Variants in ANKRD36B observed in about 807,000 individuals in gnomAD.
ANKRD36B encodes the protein ankyrin repeat domain 36B.
In ANKRD36B, 37 loss-of-function variants were observed where a neutral mutation model predicts 135.7. That is an observed-to-expected ratio of 0.27 (90% confidence interval 0.21 to 0.36). The LOEUF (loss-of-function observed/expected upper bound fraction) is 0.36, where lower values mean the gene tolerates loss of function less well. Among genes scored for constraint, ANKRD36B ranks in the 10% least tolerant of loss-of-function variants. The probability of loss-of-function intolerance (pLI) is 1.00; values close to 1 mark genes in which losing one functional copy is unlikely to be tolerated. For synonymous variants in ANKRD36B, 179 were observed against 348.1 expected, an observed-to-expected ratio of 0.51 and a Z score of 5.41; for missense variants, 549 against 1,037.1, an observed-to-expected ratio of 0.53 and a Z score of 6.46.
At position 97,500,431 on chromosome 2, in the gene ANKRD36B, A is replaced by AC. The variant is rs917074422; in HGVS notation, c.*6+6604dup. 9.0e-5 allele frequency among the ~76,000 whole-genome samples: 9 copies of AC among 100,060 alleles called. 3 individuals are homozygous for AC. The highest frequency in any genetic ancestry group is 2.5e-4 in the Non-Finnish European group (9 of 36,668). 65.6% of individuals were successfully genotyped at this position (100,060 alleles called of 152,430 possible). A position where few individuals can be genotyped will look rare whatever the true frequency, so the allele number is the denominator to read the frequency against. ...AGAATGTAGTTAAATCAATCATTATACCTCAATGAACTAGATGAGAAACAA... is the reference window on the plus strand; with the variant it reads ...AGAATGTAGTTAAATCAATCATTATACCCTCAATGAACTAGATGAGAAACAA... On this transcript the variant is annotated intron_variant, in intron 43 of 43. Transcript: ENST00000359901.
intron 16 of ANKRD36B, 116 bp from the exon 17 acceptor site, chr2:97,551,596 G>C (rs1406650826): frequency 6.7e-7 from 1 of 1,494,500 alleles, no homozygotes; most frequent in Non-Finnish European, 9.2e-7. Context: ...CGTAGGTTTT[G>C]ATGGCTTCTA....
intron 22 of ANKRD36B, 78 bp from the exon 23 acceptor site, chr2:97,545,939 T>G (rs2079417258): frequency 1.1e-6 from 1 of 929,990 alleles, no homozygotes; most frequent in South Asian, 1.2e-5. Context: ...AGTGTTAGCA[T>G]CAACCTCTGT....
At chr2:97,554,061 A>G (rs1161084076) in intron 14 of ANKRD36B, among the ~76,000 whole-genome samples, 1 of 151,962 alleles carries the variant, frequency 6.6e-6, no homozygotes, top group African/African-American at 2.4e-5. Context: ...TATAAACCTC[A>G]ATAAAAAGCA....
chr2:97,570,080 C>A (rs565746104), intron 6 of ANKRD36B, among the ~76,000 whole-genome samples: 1 of 152,020 alleles, frequency 6.6e-6, no homozygotes, highest in African/African-American at 2.4e-5. Flanking sequence ...AAAGGTTAAT[C>A]GAATAAGAAC....
chr2:97,525,619 T>C lies in ANKRD36B; in HGVS notation c.2266-2152A>G, dbSNP rs563657217. The stretch of plus-strand genomic sequence containing the variant: ...GTGAGGCATTGCCTCACTCAGGAAG[T>C]GGAAGGGGTCAGGGAGTTCCCTTTC... On this transcript the variant is annotated intron_variant, in intron 35 of 43. Transcript: ENST00000359901. Among the ~76,000 whole-genome samples the C allele has an allele frequency of 1.1e-4, 11 of 96,084 alleles. 3 individuals are homozygous for C. The East Asian group carries it at 1.4e-3, about 12-fold the overall frequency. 63.0% of individuals were successfully genotyped at this position (96,084 alleles called of 152,430 possible). A position where few individuals can be genotyped will look rare whatever the true frequency, so the allele number is the denominator to read the frequency against.
intron 35 of ANKRD36B, among the ~76,000 whole-genome samples, chr2:97,531,148 A>G (rs1333974448): frequency 2.2e-5 from 2 of 91,534 alleles, no homozygotes; most frequent in African/African-American, 6.5e-5. Context: ...AAAGACTTGG[A>G]ACCAACCCAA....
intron 32 of ANKRD36B, among the ~76,000 whole-genome samples, 162 bp from the exon 33 acceptor site, chr2:97,536,658 T>C (rs2078905751): frequency 1.0e-5 from 1 of 95,686 alleles, no homozygotes; most frequent in African/African-American, 3.1e-5. Context: ...AGAAATGCAA[T>C]AAAGAAAATA....
At chr2:97,515,135 C>T (rs1221180328) in intron 37 of ANKRD36B, among the ~76,000 whole-genome samples, 1 of 48,690 alleles carries the variant, frequency 2.1e-5, no homozygotes, top group East Asian at 3.6e-4. Context: ...AACTCCTGAC[C>T]TCGTGATCTG....
intron 34 of ANKRD36B, among the ~76,000 whole-genome samples, chr2:97,535,195 A>T (rs376441140): frequency 0.058 from 5,228 of 90,012 alleles, 807 homozygotes; most frequent in East Asian, 0.16. Flanking sequence ...TGGTAGGAAA[A>T]GAGGATGCTT....
Position 97,589,506 on chromosome 2 carries a change from G to A in ANKRD36B, c.161+19C>T. ...TCCACAGGCCTCCTCCCGCAGCCCC[G>A]GCTCCCGGCCCCCATTACCTTTCCT... On this transcript the variant is annotated intron_variant, in intron 1 of 43. Transcript: ENST00000359901. The A allele has an allele frequency of 6.8e-7, 1 of 1,464,392 alleles. No individual in the cohort carries two copies. Among genetic ancestry groups the A allele is most frequent in the Non-Finnish European group, 9.1e-7 (1 of 1,096,118 alleles). The allele number at this position is 1,464,392 out of a possible 1,614,324, so 90.7% of individuals were successfully genotyped here. A position where few individuals can be genotyped will look rare whatever the true frequency, so the allele number is the denominator to read the frequency against.
chr2:97,570,870 T>G (rs564981760), intron 6 of ANKRD36B, among the ~76,000 whole-genome samples: 4 of 152,340 alleles, frequency 2.6e-5, no homozygotes, highest in Non-Finnish European at 5.9e-5. Flanking sequence ...TGGCATTATA[T>G]GAAATTAGTT....
rs774946415 is a variant in ANKRD36B at position 97,559,003 on chromosome 2, CA to C, written c.866-10del. ...TTGTTTCTGAGAAGACACTGAAAAG[CA>C]AAAGGGAAACATAATCACTCACATG... On this transcript the variant is annotated splice_polypyrimidine_tract_variant and intron_variant, in intron 8 of 43. Transcript: ENST00000359901. The C allele has an allele frequency of 6.2e-6, 10 of 1,603,166 alleles. No individual in the cohort carries two copies. Among genetic ancestry groups the C allele is most frequent in the Non-Finnish European group, 6.8e-6 (8 of 1,178,408 alleles).
At chr2:97,538,464 A>G in intron 30 of ANKRD36B, 101 bp from the exon 31 acceptor site, 1 of 650,584 alleles carries the variant, frequency 1.5e-6, no homozygotes, top group South Asian at 1.6e-5. Context: ...TCCTGCCTGT[A>G]CTAGTGTAGG....
chr2:97,571,167 CA>C (rs1160481201), intron 6 of ANKRD36B, among the ~76,000 whole-genome samples: 1 of 152,098 alleles, frequency 6.6e-6, no homozygotes, highest in Non-Finnish European at 1.5e-5. Context: ...TTCAACTCAC[CA>C]AGGTTTCTTT....
intron 12 of ANKRD36B, among the ~76,000 whole-genome samples, chr2:97,556,449 C>T (rs2080529431): frequency 6.6e-6 from 1 of 151,814 alleles, no homozygotes; most frequent in Non-Finnish European, 1.5e-5. Flanking sequence ...TAACTTCTTC[C>T]TTCCCCTCTT....
At chr2:97,577,079 G>A (rs2104191822) in intron 5 of ANKRD36B, among the ~76,000 whole-genome samples, 1 of 151,826 alleles carries the variant, frequency 6.6e-6, no homozygotes, top group East Asian at 1.9e-4. Context: ...ATTAATTTAT[G>A]AATATATTAT....
At chr2:97,528,971 A>T (rs1235952330) in intron 35 of ANKRD36B, among the ~76,000 whole-genome samples, 1 of 96,738 alleles carries the variant, frequency 1.0e-5, no homozygotes, top group Non-Finnish European at 2.8e-5. Flanking sequence ...ATTCTACCAG[A>T]GGTACAAGGA....
Position 97,547,615 on chromosome 2 carries a change from G to A in ANKRD36B, c.1507-7C>T, listed in dbSNP as rs1457614228. 3 of 1,571,246 alleles carry A rather than the reference G, an allele frequency of 1.9e-6. No individual in the cohort carries two copies. Among genetic ancestry groups the A allele is most frequent in the Non-Finnish European group, 2.6e-6 (3 of 1,153,254 alleles). On this transcript the variant is annotated splice_region_variant and splice_polypyrimidine_tract_variant and intron_variant, in intron 21 of 43. Coordinates refer to ENST00000359901, the MANE Select transcript of ANKRD36B (RefSeq NM_001393939.1). ...CTTTCTCGTCTCTTGTAGCCTGAAT[G>A]GAATTTGAAATGAAATAATAAATTA...
intron 18 of ANKRD36B, among the ~76,000 whole-genome samples, chr2:97,550,290 T>C (rs1212642152): frequency 6.7e-6 from 1 of 150,012 alleles, no homozygotes; most frequent in Admixed American, 6.7e-5. Context: ...AAGGATAATA[T>C]ATTAGCCTCA....
Sources: allele counts gnomAD v4.1 joint callset (sites outside exome capture counted in the v4.1 genomes callset), GRCh38; gene constraint gnomAD v4.1.1; transcripts MANE v1.5; gene names NCBI Gene and HGNC (gene_info 2026-07-23, HGNC 2026-07-21).